OLFML2B: variants seen among roughly 807,000 people sequenced by gnomAD.
OLFML2B encodes olfactomedin-like protein 2B.
In OLFML2B, 57 loss-of-function variants were observed where a neutral mutation model predicts 74.9. The ratio of observed to expected loss-of-function variants is 0.76; its 90% CI spans 0.61 to 0.95. OLFML2B has a LOEUF of 0.95. Ranked by LOEUF, OLFML2B falls within the 40% of genes least tolerant of loss-of-function variation. The probability of loss-of-function intolerance (pLI) is 0.00; values close to 1 mark genes in which losing one functional copy is unlikely to be tolerated. For missense variants in OLFML2B, 986 were observed against 970.6 expected (o/e 1.02, Z -0.21); for synonymous variants, 388 against 405.8 (o/e 0.96, Z 0.53).
intron 1 of OLFML2B, among the ~76,000 whole-genome samples, chr1:162,020,824 G>GTC (rs1431556278): frequency 6.6e-6 from 1 of 152,140 alleles, no homozygotes; most frequent in Non-Finnish European, 1.5e-5. Context: ...CAGAATCCAG[G>GTC]TTTAAGTGTA....
chr1:162,005,913 A>T (rs865932727), intron 4 of OLFML2B, among the ~76,000 whole-genome samples: 11,224 of 147,910 alleles, frequency 0.076, 843 homozygotes, highest in African/African-American at 0.19. Flanking sequence ...AAAAAAAAAA[A>T]AAAAAAAAAA....
Position 162,023,556 on chromosome 1 carries a change from A to C in OLFML2B, c.-126T>G. Reference sequence around the variant, plus strand: ...AAGTGGCTGCTGAGAGCACCTTCTAAAGCTGGGTGCGGCTGAGCGGGACGG... The same window carrying C: ...AAGTGGCTGCTGAGAGCACCTTCTACAGCTGGGTGCGGCTGAGCGGGACGG... On this transcript the variant is annotated 5_prime_UTR_variant, in exon 1 of 8. Coordinates refer to ENST00000294794, the MANE Select transcript of OLFML2B (RefSeq NM_015441.3). The C allele has an allele frequency of 3.1e-6, 3 of 962,406 alleles. No homozygotes were observed. The highest frequency in any genetic ancestry group is 4.3e-6 in the Non-Finnish European group (3 of 698,962). 59.6% of individuals were successfully genotyped at this position (962,406 alleles called of 1,614,324 possible).
intron 6 of OLFML2B, among the ~76,000 whole-genome samples, chr1:161,989,109 T>A (rs542174819): frequency 6.6e-6 from 1 of 152,336 alleles, no homozygotes; most frequent in South Asian, 2.1e-4. Context: ...CGCCAGTTTG[T>A]CTCTCTGGCT....
At chr1:161,991,635 C>G (rs1689744676) in intron 6 of OLFML2B, among the ~76,000 whole-genome samples, 1 of 152,174 alleles carries the variant, frequency 6.6e-6, no homozygotes, top group Non-Finnish European at 1.5e-5. Flanking sequence ...ACTTGGGAGG[C>G]TGAGGCAGGA....
intron 4 of OLFML2B, among the ~76,000 whole-genome samples, chr1:162,001,529 C>T (rs187483588): frequency 1.7e-3 from 254 of 152,310 alleles, no homozygotes; most frequent in South Asian, 0.011. Context: ...CATCTTGGAG[C>T]TGATCATGCC....
chr1:162,003,270 C>T (rs565748216), intron 4 of OLFML2B, among the ~76,000 whole-genome samples: 4 of 152,346 alleles, frequency 2.6e-5, no homozygotes, highest in South Asian at 2.1e-4. Flanking sequence ...AAGAGCTGCT[C>T]GGCAGGCTGT....
intron 5 of OLFML2B, 131 bp from the exon 6 acceptor site, chr1:161,998,480 G>T: frequency 3.0e-6 from 3 of 990,784 alleles, no homozygotes; most frequent in East Asian, 2.5e-5. Flanking sequence ...TACAGAGGGG[G>T]CCTGGCTGGG....
chr1:162,012,313 A>G (rs1334447075), intron 3 of OLFML2B, among the ~76,000 whole-genome samples: 1 of 152,182 alleles, frequency 6.6e-6, no homozygotes, highest in African/African-American at 2.4e-5. Context: ...TGCACAGATG[A>G]AAATTACGTT....
In OLFML2B at chr1:162,021,151, G is replaced by T. The variant is rs111640504; in HGVS notation, c.175-969C>A. ...TCTTCGAGGAGTGGCATTTAATCTG[G>T]GCCTTGAAGGATGGGTTAGATGTGG... On this transcript the variant is annotated intron_variant, in intron 1 of 7. Transcript: ENST00000294794. Among the ~76,000 whole-genome samples the T allele has an allele frequency of 4.8e-3, 738 of 152,342 alleles. 4 individuals carry two copies. The highest frequency in any genetic ancestry group is 0.02 in the South Asian group (98 of 4,828).
chr1:161,983,772 G>C lies in OLFML2B; in HGVS notation c.2156C>G (p.Ser719Cys). Reference sequence around the variant, plus strand: ...GTTGTAGTCTATCTGGGTCGTATAGGAATACTCATTCTCGAACAGCAGCCT... The same window carrying C: ...GTTGTAGTCTATCTGGGTCGTATAGCAATACTCATTCTCGAACAGCAGCCT... ...VPRLLFENEY[S>C]YTTQIDYNPK... The change falls in exon 8 of 8, where the codon TCC becomes TGC. Residue 719 changes from serine (S) to cysteine (C), a missense_variant. Coordinates refer to ENST00000294794, the MANE Select transcript of OLFML2B (RefSeq NM_015441.3). The C allele has an allele frequency of 6.2e-7, 1 of 1,614,058 alleles. No individual in the cohort carries two copies. The highest frequency in any genetic ancestry group is 8.5e-7 in the Non-Finnish European group (1 of 1,180,010).
chr1:162,021,450 C>G (rs1472669378), intron 1 of OLFML2B, among the ~76,000 whole-genome samples: 1 of 152,180 alleles, frequency 6.6e-6, no homozygotes, highest in Non-Finnish European at 1.5e-5. Flanking sequence ...CCAAAAGGCC[C>G]TACATCCCCA....
At chr1:162,016,371 C>T (rs551306174) in intron 3 of OLFML2B, among the ~76,000 whole-genome samples, 1 of 152,192 alleles carries the variant, frequency 6.6e-6, no homozygotes, top group South Asian at 2.1e-4. Context: ...TGACTCCAAG[C>T]CTGCTGCTCT....
chr1:162,019,858 C>T (rs1020492190), intron 2 of OLFML2B, 61 bp downstream of exon 2: 2 of 1,578,236 alleles, frequency 1.3e-6, no homozygotes, highest in African/African-American at 2.7e-5. Flanking sequence ...ATGGCCTTAC[C>T]AGACTTGTGG....
At chr1:162,015,718 A>G (rs1247245547) in intron 3 of OLFML2B, among the ~76,000 whole-genome samples, 2 of 152,212 alleles carry the variant, frequency 1.3e-5, no homozygotes, top group Non-Finnish European at 2.9e-5. Flanking sequence ...GAAGTCCATT[A>G]GTAGTGGGAT....
At chr1:162,008,631 G>T (rs1420851290) in intron 3 of OLFML2B, among the ~76,000 whole-genome samples, 1 of 152,214 alleles carries the variant, frequency 6.6e-6, no homozygotes, top group Non-Finnish European at 1.5e-5. Context: ...ACTATTCAAA[G>T]TGTGGTGCAG....
chr1:162,005,902 C>CAAAAAAAA (rs71093139), intron 4 of OLFML2B, among the ~76,000 whole-genome samples: 1 of 77,902 alleles, frequency 1.3e-5, no homozygotes, highest in Admixed American at 1.5e-4. Flanking sequence ...TGGAACCTAT[C>CAAAAAAAA]AAAAAAAAAA....
rs1690795761 is a variant in OLFML2B at position 162,023,548 on chromosome 1, A to T, written c.-118T>A. 2.8e-6 allele frequency: 3 copies of T among 1,065,766 alleles called. No individual in the cohort carries two copies. Among genetic ancestry groups the T allele is most frequent in the African/African-American group, 3.3e-5 (2 of 60,956 alleles). 66.0% of individuals were successfully genotyped at this position (1,065,766 alleles called of 1,614,324 possible). On this transcript the variant is annotated 5_prime_UTR_variant, in exon 1 of 8. Transcript: ENST00000294794. ...GAGCCCGAAAGTGGCTGCTGAGAGCACCTTCTAAAGCTGGGTGCGGCTGAG... is the reference window on the plus strand; with the variant it reads ...GAGCCCGAAAGTGGCTGCTGAGAGCTCCTTCTAAAGCTGGGTGCGGCTGAG...
At chr1:161,985,074 C>T in intron 6 of OLFML2B, 94 bp from the exon 7 acceptor site, 3 of 1,339,744 alleles carry the variant, frequency 2.2e-6, no homozygotes, top group South Asian at 1.5e-5. Context: ...GTCTGGACTC[C>T]TCGGCAGGCT....
At chr1:161,989,388 A>G (rs1187533897) in intron 6 of OLFML2B, among the ~76,000 whole-genome samples, 2 of 152,230 alleles carry the variant, frequency 1.3e-5, no homozygotes, top group Non-Finnish European at 2.9e-5. Flanking sequence ...AGGTGGCAGA[A>G]GACACTGTGG....
Sources: gnomAD v4.1 joint callset for allele counts (sites outside exome capture counted in the v4.1 genomes callset) on GRCh38, gnomAD v4.1.1 for gene constraint, MANE v1.5 for transcripts, NCBI Gene and HGNC (gene_info 2026-07-23, HGNC 2026-07-21) for gene names.